The following TENM1 variants were observed in gnomAD, a reference collection of about 807,000 sequenced individuals.
TENM1 encodes teneurin transmembrane protein 1, also known as teneurin-1.
TENM1 carries 35 observed loss-of-function variants against 174.8 expected under a neutral mutation model. The observed-to-expected ratio is 0.20, with a 90% CI of 0.15 to 0.27. The LOEUF (loss-of-function observed/expected upper bound fraction) is 0.27. Ranked by LOEUF, TENM1 falls within the 10% of genes least tolerant of loss-of-function variation. The pLI is 1.00. For missense variants in TENM1, 1,633 were observed against 2,130.1 expected (o/e 0.77, Z 4.59); for synonymous variants, 781 against 798.7 (o/e 0.98, Z 0.37).
intron 3 of TENM1, among the ~76,000 whole-genome samples, chrX:124,753,176 T>C (rs1328857468): frequency 9.1e-6 from 1 of 110,062 alleles, no homozygotes; most frequent in African/African-American, 3.3e-5. Context: ...AGCAGTGGTT[T>C]GTAGTTCTCC....
intron 11 of TENM1, among the ~76,000 whole-genome samples, chrX:124,597,458 G>A (rs895422372): frequency 9.0e-5 from 10 of 111,435 alleles, no homozygotes; most frequent in Non-Finnish European, 1.9e-4. Context: ...TCTTATAAGT[G>A]GGAGCTAAGA....
exon 26 of TENM1, chrX:124,406,415 T>C (rs777810487): frequency 5.0e-6 from 6 of 1,206,008 alleles, no homozygotes; most frequent in Admixed American, 2.2e-5. Flanking sequence ...TGTCAGCTTC[T>C]CCAGGTCACT....
intron 5 of TENM1, among the ~76,000 whole-genome samples, chrX:124,678,513 G>C (rs761692950): frequency 1.8e-5 from 2 of 110,712 alleles, no homozygotes; most frequent in South Asian, 7.5e-4. Flanking sequence ...TAAAATACCA[G>C]GTGCTCAACA....
At chrX:124,758,032 C>T (rs1026565812) in intron 3 of TENM1, among the ~76,000 whole-genome samples, 1 of 111,429 alleles carries the variant, frequency 9.0e-6, no homozygotes, top group African/African-American at 3.3e-5. Flanking sequence ...TCATTTTGTG[C>T]AGCAAAGGAA....
At chrX:125,122,540 T>C in the TENM1 span, among the ~76,000 whole-genome samples, 1 of 112,141 alleles carries the variant, frequency 8.9e-6, no homozygotes. Context: ...CTAAATCATA[T>C]TTCCAAATTG....
exon 30 of TENM1, chrX:124,384,176 G>T (rs141155231): frequency 8.3e-7 from 1 of 1,210,998 alleles, no homozygotes; most frequent in Non-Finnish European, 1.1e-6. Flanking sequence ...ATACTGCACA[G>T]TCCAGCCAGA....
intron 3 of TENM1, among the ~76,000 whole-genome samples, chrX:124,877,642 A>C (rs1487028354): frequency 9.0e-6 from 1 of 111,610 alleles, no homozygotes; most frequent in African/African-American, 3.3e-5. Context: ...AGGCATTCAC[A>C]GACTCTCTGA....
chrX:124,650,786 T>A (rs1746213439), intron 8 of TENM1, among the ~76,000 whole-genome samples: 1 of 112,004 alleles, frequency 8.9e-6, no homozygotes, highest in African/African-American at 3.2e-5. Context: ...AAATTTATTT[T>A]CTATTTTAAC....
At chrX:124,939,936 T>C (rs2058301250) in intron 1 of TENM1, among the ~76,000 whole-genome samples, 1 of 112,098 alleles carries the variant, frequency 8.9e-6, no homozygotes, top group Admixed American at 9.5e-5. Flanking sequence ...ATAGCCAAAA[T>C]ATATTGTTTA....
At chrX:124,737,155 A>T in exon 4 of TENM1, 1 of 1,208,646 alleles carries the variant, frequency 8.3e-7, no homozygotes, top group Non-Finnish European at 1.1e-6. Context: ...TGGCGGTGGG[A>T]GGGGTCTGAA....
intron 3 of TENM1, among the ~76,000 whole-genome samples, chrX:124,751,120 G>C (rs1486054107): frequency 9.0e-6 from 1 of 111,059 alleles, no homozygotes; most frequent in Non-Finnish European, 1.9e-5. Flanking sequence ...CTGCTTGATG[G>C]GCTTGCTTTA....
intron 15 of TENM1, among the ~76,000 whole-genome samples, chrX:124,542,421 ATT>A (rs58957662): frequency 4.1e-3 from 395 of 95,685 alleles, no homozygotes; most frequent in African/African-American, 0.011. Context: ...ATCTTGTTTC[ATT>A]TTTTTTTTTT....
chrX:124,922,959 AC>A (rs1483260102), intron 1 of TENM1, among the ~76,000 whole-genome samples: 1 of 111,770 alleles, frequency 8.9e-6, no homozygotes, highest in Non-Finnish European at 1.9e-5. Flanking sequence ...GTGGCAAAGT[AC>A]ATGATAAATT....
the TENM1 span, among the ~76,000 whole-genome samples, chrX:124,968,872 A>AT: frequency 3.6e-5 from 4 of 111,927 alleles, no homozygotes; most frequent in South Asian, 3.8e-4. Flanking sequence ...TAAATAGCTC[A>AT]TTTTTTTCAA....
At chrX:124,769,279 T>C (rs1220133835) in intron 3 of TENM1, among the ~76,000 whole-genome samples, 6 of 111,755 alleles carry the variant, frequency 5.4e-5, no homozygotes, top group Admixed American at 3.8e-4. Context: ...ATGGGGACTT[T>C]AATGTTTATG....
intron 3 of TENM1, among the ~76,000 whole-genome samples, chrX:124,759,536 A>T (rs765575383): frequency 2.3e-4 from 26 of 111,037 alleles, no homozygotes; most frequent in Admixed American, 2.9e-4. Context: ...ATCCTCATAG[A>T]TTAGCTCCCA....
chrX:124,504,405 C>T (rs1490643353), intron 18 of TENM1, among the ~76,000 whole-genome samples: 1 of 111,993 alleles, frequency 8.9e-6, no homozygotes, highest in African/African-American at 3.3e-5. Context: ...CTCGGTATGC[C>T]ACTGAAATGT....
the TENM1 span, among the ~76,000 whole-genome samples, chrX:125,001,137 T>G: frequency 9.0e-6 from 1 of 110,650 alleles, no homozygotes; most frequent in Non-Finnish European, 1.9e-5. Flanking sequence ...AATAATCCAT[T>G]TACAGATAAG....
exon 32 of TENM1, chrX:124,379,092 G>A (rs1461159414): frequency 5.4e-5 from 6 of 112,110 alleles, no homozygotes; most frequent in Non-Finnish European, 1.1e-4. Context: ...CAAGGGGCTT[G>A]TTTTACTGCA....
Sources: gnomAD v4.1 joint callset for allele counts (sites outside exome capture counted in the v4.1 genomes callset) on GRCh38, gnomAD v4.1.1 for gene constraint, MANE v1.5 for transcripts, NCBI Gene and HGNC (gene_info 2026-07-23, HGNC 2026-07-21) for gene names.